The following SLC43A1 variants were observed in gnomAD, a reference collection of about 807,000 sequenced individuals.
SLC43A1 encodes the protein large neutral amino acids transporter small subunit 3.
In SLC43A1, 31 loss-of-function variants were observed where a neutral mutation model predicts 59.5. The ratio of observed to expected loss-of-function variants is 0.52; its 90% CI spans 0.39 to 0.70. The LOEUF is 0.70. Ranked by LOEUF, SLC43A1 falls within the 30% of genes least tolerant of loss-of-function variation. The pLI is 0.00. For missense variants in SLC43A1, 598 were observed against 717.8 expected, an observed-to-expected ratio of 0.83 and a Z score of 1.91; for synonymous variants, 259 against 290.9, an observed-to-expected ratio of 0.89 and a Z score of 1.12.
chr11:57,491,381 G>A lies in SLC43A1; in HGVS notation c.1055-19C>T, dbSNP rs764253879. ...AACCCAACTGGGCAGGATGGGAAGG[G>A]CAGTGGGGTCAGGAACTGGCACTCA... On this transcript the variant is annotated intron_variant, in intron 10 of 14. Coordinates refer to ENST00000278426, the MANE Select transcript of SLC43A1 (RefSeq NM_003627.6). 5.1e-6 allele frequency: 8 copies of A among 1,577,372 alleles called. No homozygotes were observed. The East Asian group carries it at 6.7e-5, about 13-fold the overall frequency.
chr11:57,491,967 T>C, intron 8 of SLC43A1, 105 bp from the exon 9 acceptor site: 2 of 1,104,226 alleles, frequency 1.8e-6, no homozygotes, highest in Non-Finnish European at 2.6e-6. Flanking sequence ...CTATGTGACT[T>C]TGGAGAGAGA....
chr11:57,511,688 T>C (rs1944550886), intron 2 of SLC43A1, among the ~76,000 whole-genome samples: 1 of 152,158 alleles, frequency 6.6e-6, no homozygotes, highest in Non-Finnish European at 1.5e-5. Flanking sequence ...TGGTGGTTGA[T>C]CCATACAATG....
At chr11:57,505,564 G>A (rs977934644) in intron 2 of SLC43A1, among the ~76,000 whole-genome samples, 40 of 151,986 alleles carry the variant, frequency 2.6e-4, no homozygotes, top group Admixed American at 2.1e-3. Context: ...ACGTATATAC[G>A]TACATATATA....
In SLC43A1 at chr11:57,501,279, A is replaced by G; in HGVS notation, c.205T>C (p.Cys69Arg). Reference protein sequence around the residue: ...TQDEQRRWPGCDQQDEMLNLG... With the variant: ...TQDEQRRWPGRDQQDEMLNLG... ...TTGAGCATCTCGTCCTGCTGGTCAC[A>G]GCCTGGCCACCTGCGCTGCTCATCC... is the stretch of plus-strand genomic sequence containing the variant. Residue 69 changes from cysteine to arginine, a missense_variant, in exon 3 of 15, where the codon TGT becomes CGT. Physicochemically the swap from Cys to Arg is radical, Grantham distance 180 (BLOSUM62 -3). Coordinates refer to ENST00000278426, the MANE Select transcript of SLC43A1 (RefSeq NM_003627.6). The G allele has an allele frequency of 9.3e-6, 15 of 1,612,070 alleles. No homozygotes were observed. Among genetic ancestry groups the G allele is most frequent in the Non-Finnish European group, 1.3e-5 (15 of 1,180,022 alleles).
chr11:57,494,113 AG>A lies in SLC43A1; in HGVS notation c.750del (p.Tyr251ThrfsTer4). 6.2e-7 allele frequency: 1 copy of A among 1,611,680 alleles called. No homozygotes were observed. The stretch of plus-strand genomic sequence containing the variant: ...TGGCCCATGGTGGTCACATGGGTGT[AG>A]AAGAGGTCACCTGTCACCTTGTGGT... ...ALDHKVTGDL[F>X]YTHVTTMGQR... On this transcript the variant is annotated frameshift_variant, in exon 8 of 15. Coordinates refer to ENST00000278426, the MANE Select transcript of SLC43A1 (RefSeq NM_003627.6). LOFTEE classifies it high-confidence loss of function.
At position 57,484,924 on chromosome 11, in the gene SLC43A1, G is replaced by GT. The variant is rs372610932; in HGVS notation, c.*171dup. The GT allele has an allele frequency of 8.3e-5, 67 of 804,926 alleles. No homozygotes were observed. Among genetic ancestry groups the GT allele is most frequent in the South Asian group, 1.1e-4 (5 of 45,508 alleles). The allele number at this position is 804,926 out of a possible 1,614,324, so 49.9% of individuals were successfully genotyped here. ...GTTGACTTAGGGGGCGTTTTTGAAGGTTTTTTTTCCTCCTTTTTGCAGTCT... is the reference window on the plus strand; with the variant it reads ...GTTGACTTAGGGGGCGTTTTTGAAGGTTTTTTTTTCCTCCTTTTTGCAGTCT... On this transcript the variant is annotated 3_prime_UTR_variant, in exon 15 of 15. Transcript: ENST00000278426.
chr11:57,489,694 A>G (rs1341351457), intron 11 of SLC43A1, among the ~76,000 whole-genome samples: 3 of 152,210 alleles, frequency 2.0e-5, no homozygotes, highest in Non-Finnish European at 4.4e-5. Context: ...GCATTTGGAC[A>G]AATATCCCCC....
rs370703621 is a variant in SLC43A1, at chr11:57,514,059, G to A, written c.53C>T (p.Thr18Met). Reference protein sequence around the residue: ...AYRRRWWMACTAVLENLFFSA... With the variant: ...AYRRRWWMACMAVLENLFFSA... ...GAAGAAGAGGTTCTCCAGCACAGCC[G>A]TGCAGGCCATCCACCAGCGCCTCCG... The change falls in exon 2 of 15, where the codon ACG (threonine) becomes ATG (methionine). Residue 18 changes from threonine (T) to methionine (M), a missense_variant. By Grantham distance (81) the Thr-to-Met change is moderately conservative (BLOSUM62 -1). Transcript: ENST00000278426. This position sits in a 1 kb window ranked among gnomAD's most constrained non-coding sequence, Gnocchi z 5.5. 19 of 1,606,884 alleles carry A rather than the reference G, an allele frequency of 1.2e-5. No homozygotes were observed. Among genetic ancestry groups the A allele is most frequent in the Non-Finnish European group, 1.5e-5 (18 of 1,176,764 alleles).
intron 5 of SLC43A1, among the ~76,000 whole-genome samples, chr11:57,498,448 C>A (rs1386002560): frequency 6.7e-6 from 1 of 149,690 alleles, no homozygotes; most frequent in Non-Finnish European, 1.5e-5. Context: ...CCCCACCCCC[C>A]AAAAAAAAAG....
chr11:57,503,152 T>A (rs1944309460), intron 2 of SLC43A1, among the ~76,000 whole-genome samples: 1 of 151,500 alleles, frequency 6.6e-6, no homozygotes, highest in African/African-American at 2.4e-5. Context: ...CAACAGAGAG[T>A]CTTCTTCAGT....
intron 6 of SLC43A1, 111 bp downstream of exon 6, chr11:57,497,642 A>G: frequency 1.4e-6 from 1 of 714,568 alleles, no homozygotes; most frequent in East Asian, 2.7e-5. Context: ...GGATGATGAC[A>G]GAGAAAGGAG....
Position 57,501,142 on chromosome 11 carries a change from G to A in SLC43A1, c.332+10C>T, listed in dbSNP as rs921431179. The A allele has an allele frequency of 3.7e-6, 6 of 1,612,266 alleles. No homozygotes were observed. The Admixed American group carries it at 1.0e-4, about 27-fold the overall frequency. Reference sequence around the variant, plus strand: ...CTGTCCTCCCGTTCCCCATAGCCCAGCCACCTCACCTGCCAACCAGCCGCA... The same window carrying A: ...CTGTCCTCCCGTTCCCCATAGCCCAACCACCTCACCTGCCAACCAGCCGCA... On this transcript the variant is annotated intron_variant, in intron 3 of 14. Coordinates refer to ENST00000278426, the MANE Select transcript of SLC43A1 (RefSeq NM_003627.6).
At chr11:57,493,893 T>C in intron 8 of SLC43A1, 100 bp downstream of exon 8, 1 of 1,188,470 alleles carries the variant, frequency 8.4e-7, no homozygotes, top group African/African-American at 1.6e-5. Context: ...TTGTAAGGAC[T>C]GAAGAGGGGT....
intron 7 of SLC43A1, chr11:57,494,478 C>T: frequency 2.5e-6 from 1 of 392,358 alleles, no homozygotes; most frequent in Non-Finnish European, 4.6e-6. Context: ...CTAAGATTCA[C>T]CCTCCTTTGA....
intron 6 of SLC43A1, 55 bp downstream of exon 6, chr11:57,497,698 C>A: frequency 7.2e-7 from 1 of 1,397,824 alleles, no homozygotes; most frequent in Non-Finnish European, 1.0e-6. Flanking sequence ...GCTGCTCACT[C>A]GGCCCCACCC....
chr11:57,499,620 G>T (rs1944196422), intron 5 of SLC43A1: 1 of 152,310 alleles, frequency 6.6e-6, no homozygotes, highest in Admixed American at 6.5e-5. Flanking sequence ...GGCAACAGCA[G>T]CTGGGCCCGC....
intron 8 of SLC43A1, among the ~76,000 whole-genome samples, chr11:57,492,244 A>G (rs1194965602): frequency 1.4e-5 from 2 of 141,802 alleles, no homozygotes; most frequent in Non-Finnish European, 3.0e-5. Context: ...TATATACAGA[A>G]ATTATATATA....
chr11:57,508,895 T>A (rs892521851), intron 2 of SLC43A1, among the ~76,000 whole-genome samples: 2 of 151,856 alleles, frequency 1.3e-5, no homozygotes, highest in Non-Finnish European at 2.9e-5. Flanking sequence ...GGCAGATGGA[T>A]CACTTGAGGC....
intron 2 of SLC43A1, among the ~76,000 whole-genome samples, chr11:57,505,248 G>A (rs4939147): frequency 0.19 from 29,347 of 152,114 alleles, 5,298 homozygotes; most frequent in African/African-American, 0.48. Flanking sequence ...GCAGTAGCTC[G>A]CACCTATAAT....
Sources: gnomAD v4.1 joint callset for allele counts (sites outside exome capture counted in the v4.1 genomes callset) on GRCh38, gnomAD v4.1.1 for gene constraint, Gnocchi (gnomAD v3.1) non-coding constraint, MANE v1.5 for transcripts, NCBI Gene and HGNC (gene_info 2026-07-23, HGNC 2026-07-21) for gene names.